The following SLC8A1 variants were observed in gnomAD, a reference collection of about 807,000 sequenced individuals.
SLC8A1 encodes the protein sodium/calcium exchanger 1.
A neutral mutation model predicts 68.3 loss-of-function variants in SLC8A1; 18 were observed. That is an observed-to-expected ratio of 0.26 (90% CI 0.18 to 0.39). The LOEUF is 0.39. Ranked by LOEUF, SLC8A1 falls within the 10% of genes least tolerant of loss-of-function variation. The pLI is 1.00. For synonymous variants in SLC8A1, 475 were observed against 415.5 expected (o/e 1.14, Z -1.74); for missense variants, 985 against 1,156.7 (o/e 0.85, Z 2.15).
chr2:40,459,764 A>G (rs560684136), intron 1 of SLC8A1, among the ~76,000 whole-genome samples: 1 of 152,304 alleles, frequency 6.6e-6, no homozygotes, highest in South Asian at 2.1e-4. Context: ...GGAATCATGC[A>G]TGTGTAACTT....
chr2:40,334,689 C>T (rs547516065), intron 2 of SLC8A1, among the ~76,000 whole-genome samples: 29 of 152,196 alleles, frequency 1.9e-4, no homozygotes, highest in South Asian at 4.2e-4. Context: ...TTGAGGGTTA[C>T]GCACTAATGG....
At chr2:40,279,920 CT>C in intron 2 of SLC8A1, among the ~76,000 whole-genome samples, 1 of 152,254 alleles carries the variant, frequency 6.6e-6, no homozygotes. Context: ...ATCTATTAAA[CT>C]TTTAAAAATT....
chr2:40,283,330 C>A (rs149622631), intron 2 of SLC8A1, among the ~76,000 whole-genome samples: 196 of 152,208 alleles, frequency 1.3e-3, no homozygotes, highest in South Asian at 7.5e-3. Flanking sequence ...TTTGATAAAC[C>A]TGAAAAACAA....
intron 2 of SLC8A1, among the ~76,000 whole-genome samples, chr2:40,396,748 T>TAAAAAAAAAAAAAAAAA (rs368483768): frequency 1.4e-4 from 12 of 87,080 alleles, no homozygotes; most frequent in South Asian, 3.8e-4. Flanking sequence ...CTCTAATAAC[T>TAAAAAAAAAAAAAAAAA]AAAAAAAAAA....
chr2:40,376,741 T>G (rs1680011848), intron 2 of SLC8A1, among the ~76,000 whole-genome samples: 1 of 152,090 alleles, frequency 6.6e-6, no homozygotes, highest in Non-Finnish European at 1.5e-5. Context: ...GTGTACTAAC[T>G]GCCTCAAAAG....
chr2:40,307,408 A>G (rs910463459), intron 2 of SLC8A1, among the ~76,000 whole-genome samples: 1 of 152,182 alleles, frequency 6.6e-6, no homozygotes, highest in African/African-American at 2.4e-5. Flanking sequence ...GAGTTGTTTA[A>G]TGGGTACAGT....
intron 2 of SLC8A1, among the ~76,000 whole-genome samples, chr2:40,253,256 TACATATATAC>T (rs913903688): frequency 6.8e-6 from 1 of 147,550 alleles, no homozygotes; most frequent in African/African-American, 2.6e-5. Flanking sequence ...CACATATGTA[TACATATATAC>T]ATGTACATAT....
At position 40,149,481 on chromosome 2, in the gene SLC8A1, C is replaced by G. The variant is rs534715164; in HGVS notation, c.2162-9805G>C. ...TGAGCAGTTGACATGTGAGCTAAGACTTTAGTGAGGAGAAATAATCGGATA... is the reference window on the plus strand; with the variant it reads ...TGAGCAGTTGACATGTGAGCTAAGAGTTTAGTGAGGAGAAATAATCGGATA... On this transcript the variant is annotated intron_variant, in intron 6 of 7. Coordinates refer to ENST00000406785, the Ensembl canonical transcript of SLC8A1. 9.2e-5 allele frequency among the ~76,000 whole-genome samples: 14 copies of G among 152,224 alleles called. No homozygotes were observed. In the South Asian group the frequency reaches 2.1e-3, roughly 23 times the overall value.
chr2:40,305,722 C>T (rs192859216), intron 2 of SLC8A1, among the ~76,000 whole-genome samples: 2 of 152,274 alleles, frequency 1.3e-5, no homozygotes, highest in Admixed American at 1.3e-4. Flanking sequence ...ACTTCACTGA[C>T]ATAATTCACT....
chr2:40,266,467 G>A (rs2065362993), intron 2 of SLC8A1, among the ~76,000 whole-genome samples: 1 of 152,174 alleles, frequency 6.6e-6, no homozygotes, highest in Non-Finnish European at 1.5e-5. Flanking sequence ...GGATATCAAG[G>A]AGATAGAGTA....
At chr2:40,122,409 A>T (rs2037113025) in intron 7 of SLC8A1, among the ~76,000 whole-genome samples, 1 of 152,164 alleles carries the variant, frequency 6.6e-6, no homozygotes, top group Non-Finnish European at 1.5e-5. Flanking sequence ...GTTGTCCCTG[A>T]AGAGGGTAAA....
At chr2:40,190,389 A>G (rs1212722963) in intron 2 of SLC8A1, 1 of 152,230 alleles carries the variant, frequency 6.6e-6, no homozygotes, top group Non-Finnish European at 1.5e-5. Flanking sequence ...TGCCAGAATT[A>G]GGATTAAAAC....
At chr2:40,459,369 T>TA (rs891334113) in intron 1 of SLC8A1, among the ~76,000 whole-genome samples, 8 of 32,964 alleles carry the variant, frequency 2.4e-4, no homozygotes, top group South Asian at 9.2e-4. Context: ...GGACAGTATA[T>TA]TTTTTTTTGT....
intron 2 of SLC8A1, among the ~76,000 whole-genome samples, chr2:40,239,250 T>C (rs1384523278): frequency 6.6e-6 from 1 of 152,202 alleles, no homozygotes; most frequent in Non-Finnish European, 1.5e-5. Flanking sequence ...TTTTAGTGTC[T>C]ATCTTTAATA....
chr2:40,466,873 T>C (rs142517897), intron 1 of SLC8A1, among the ~76,000 whole-genome samples: 4 of 152,052 alleles, frequency 2.6e-5, no homozygotes, highest in East Asian at 3.9e-4. Flanking sequence ...ATATGATTAC[T>C]TGACATCAAC....
chr2:40,446,658 G>A (rs1316010244), intron 1 of SLC8A1: 1 of 152,246 alleles, frequency 6.6e-6, no homozygotes, highest in African/African-American at 2.4e-5. Flanking sequence ...CCTGGGAACA[G>A]AGAACAGTGT....
At chr2:40,460,215 T>C (rs1703261094) in intron 1 of SLC8A1, among the ~76,000 whole-genome samples, 1 of 152,348 alleles carries the variant, frequency 6.6e-6, no homozygotes, top group Non-Finnish European at 1.5e-5. Context: ...AATTTTTCTC[T>C]TATTGTTTCT....
chr2:40,378,117 C>T (rs12471797), intron 2 of SLC8A1, among the ~76,000 whole-genome samples: 111,436 of 151,966 alleles, frequency 0.73, 42,265 homozygotes, highest in African/African-American at 0.93. Flanking sequence ...AAAATCTATG[C>T]CTTTATAGAG....
intron 2 of SLC8A1, among the ~76,000 whole-genome samples, chr2:40,296,497 G>C (rs536002842): frequency 6.6e-6 from 1 of 152,242 alleles, no homozygotes; most frequent in Admixed American, 6.5e-5. Context: ...CATAATTGAA[G>C]TTCCCAAAGC....
Sources: allele counts gnomAD v4.1 joint callset (sites outside exome capture counted in the v4.1 genomes callset), GRCh38; gene constraint gnomAD v4.1.1; transcripts MANE v1.5; gene names NCBI Gene and HGNC (gene_info 2026-07-23, HGNC 2026-07-21).